The following ABHD12 variants were observed in gnomAD, a reference collection of about 807,000 sequenced individuals.
ABHD12 encodes the protein abhydrolase domain containing 12, lysophospholipase.
In ABHD12, 43 loss-of-function variants were observed where a neutral mutation model predicts 58.3. The ratio of observed to expected loss-of-function variants is 0.74; its 90% CI spans 0.58 to 0.95. ABHD12 has a LOEUF of 0.95. ABHD12 is among the 40% of genes least tolerant of loss of function. ABHD12 has a pLI of 0.00. For missense variants in ABHD12, 539 were observed against 537.2 expected (o/e 1.00, Z -0.03); for synonymous variants, 219 against 211.2 (o/e 1.04, Z -0.32).
chr20:25,388,924 C>A (rs768200206), intron 1 of ABHD12, among the ~76,000 whole-genome samples: 1 of 151,884 alleles, frequency 6.6e-6, no homozygotes. Flanking sequence ...CCCGCCTCAG[C>A]CTCCCGAGTA....
intron 3 of ABHD12, among the ~76,000 whole-genome samples, chr20:25,320,715 A>G (rs1404466433): frequency 3.9e-5 from 6 of 152,266 alleles, no homozygotes; most frequent in Non-Finnish European, 8.8e-5. Flanking sequence ...AATTGTCCAC[A>G]GTTTAACTCA....
At chr20:25,342,054 C>T (rs1210797950) in intron 1 of ABHD12, among the ~76,000 whole-genome samples, 1 of 117,444 alleles carries the variant, frequency 8.5e-6, no homozygotes, top group Non-Finnish European at 1.7e-5. Flanking sequence ...AAGACTTGTT[C>T]AAAAATGTTC....
chr20:25,308,459 C>T lies in ABHD12; in HGVS notation c.785G>A (p.Arg262Gln), dbSNP rs781651422. ...ATNLVRRLCERETPPDALILE... is the reference protein window; with the variant it reads ...ATNLVRRLCEQETPPDALILE... ...CTGGGGCCCAACAAGGCACTCACCT[C>T]GCTCACAGAGGCGCCGCACCAGATT... is the stretch of plus-strand genomic sequence containing the variant. Residue 262 changes from arginine (R) to glutamine (Q), a missense_variant and splice_region_variant, in exon 8 of 13, where the codon CGA (arginine) becomes CAA (glutamine). By Grantham distance (43) the Arg-to-Gln change is conservative. Coordinates refer to ENST00000339157, the MANE Select transcript of ABHD12 (RefSeq NM_001042472.3). The T allele has an allele frequency of 3.1e-6, 5 of 1,611,606 alleles. No homozygotes were observed. Among genetic ancestry groups the T allele is most frequent in the Admixed American group, 1.7e-5 (1 of 59,786 alleles).
In ABHD12 at chr20:25,330,396, C is replaced by T. The variant is rs890514135; in HGVS notation, c.317-6966G>A. On this transcript the variant is annotated intron_variant, in intron 2 of 12. Coordinates refer to ENST00000339157, the MANE Select transcript of ABHD12 (RefSeq NM_001042472.3). ...GCAGCGAGGCTTGGGGAGGGGCGCC[C>T]GCCATTGCCCAGGCTTGCTTAGGTA... Among the ~76,000 whole-genome samples the T allele has an allele frequency of 2.3e-4, 35 of 152,376 alleles. No individual in the cohort carries two copies. The Middle Eastern group carries it at 0.01, about 44-fold the overall frequency.
At chr20:25,325,461 A>G (rs1035158822) in intron 2 of ABHD12, among the ~76,000 whole-genome samples, 4 of 152,198 alleles carry the variant, frequency 2.6e-5, no homozygotes, top group Non-Finnish European at 5.9e-5. Flanking sequence ...ATCAAGCTCA[A>G]ATGAGGTCAC....
At chr20:25,376,366 G>C (rs543144455) in intron 1 of ABHD12, among the ~76,000 whole-genome samples, 3 of 152,240 alleles carry the variant, frequency 2.0e-5, no homozygotes, top group Admixed American at 2.0e-4. Context: ...TCAGTGTTGA[G>C]AGCAATTTCA....
At chr20:25,365,052 C>T (rs2089800923) in intron 1 of ABHD12, among the ~76,000 whole-genome samples, 2 of 152,318 alleles carry the variant, frequency 1.3e-5, no homozygotes, top group South Asian at 2.1e-4. Context: ...ACCTATGCAA[C>T]GTGAGTAAGG....
At chr20:25,308,343 C>CA in intron 8 of ABHD12, 114 bp downstream of exon 8, 2 of 1,393,134 alleles carry the variant, frequency 1.4e-6, no homozygotes, top group Non-Finnish European at 2.0e-6. Flanking sequence ...CCGGGCCCCC[C>CA]AGAATGTGCA....
chr20:25,313,449 A>G, intron 6 of ABHD12, among the ~76,000 whole-genome samples: 1 of 151,570 alleles, frequency 6.6e-6, no homozygotes, highest in Non-Finnish European at 1.5e-5. Context: ...ACACTGCGGA[A>G]GGCCGCAGGG....
intron 2 of ABHD12, among the ~76,000 whole-genome samples, chr20:25,326,218 G>T (rs2089175471): frequency 6.6e-6 from 1 of 152,032 alleles, no homozygotes; most frequent in Non-Finnish European, 1.5e-5. Flanking sequence ...GGAAAGAAAG[G>T]AAAGCAAGGA....
At chr20:25,385,547 A>G (rs2090077784) in intron 1 of ABHD12, among the ~76,000 whole-genome samples, 2 of 152,230 alleles carry the variant, frequency 1.3e-5, no homozygotes, top group South Asian at 4.2e-4. Context: ...CCGAAGTGCT[A>G]TATTCTGAAA....
At chr20:25,360,226 A>ACTTTTTT (rs2089726482) in intron 1 of ABHD12, among the ~76,000 whole-genome samples, 1 of 27,760 alleles carries the variant, frequency 3.6e-5, no homozygotes, top group African/African-American at 1.4e-4. Flanking sequence ...TGAACACGTT[A>ACTTTTTT]CTTTTTTTTT....
chr20:25,297,260 G>A (rs202114172), downstream of ABHD12: 2 of 152,286 alleles, frequency 1.3e-5, no homozygotes, highest in Non-Finnish European at 2.9e-5. Flanking sequence ...GGCTGACACA[G>A]CTTAGCTTGG....
chr20:25,379,831 A>T (rs973259850), intron 1 of ABHD12, among the ~76,000 whole-genome samples: 20 of 151,050 alleles, frequency 1.3e-4, no homozygotes, highest in African/African-American at 4.9e-4. Flanking sequence ...GGGCTCAAGC[A>T]ATCATGCACG....
chr20:25,387,978 T>C (rs1441463815), intron 1 of ABHD12, among the ~76,000 whole-genome samples: 1 of 147,024 alleles, frequency 6.8e-6, no homozygotes, highest in African/African-American at 2.6e-5. Flanking sequence ...GAGGTGGAGG[T>C]TGCAGTGAGC....
chr20:25,302,623 C>T (rs1012171069), intron 11 of ABHD12, among the ~76,000 whole-genome samples: 1 of 152,158 alleles, frequency 6.6e-6, no homozygotes, highest in Non-Finnish European at 1.5e-5. Flanking sequence ...TGAGCCAGAC[C>T]AGGTGCCTGG....
intron 6 of ABHD12, among the ~76,000 whole-genome samples, chr20:25,313,087 C>T (rs1269422913): frequency 6.6e-6 from 1 of 152,266 alleles, no homozygotes; most frequent in Admixed American, 6.5e-5. Context: ...GGAGGTGTAC[C>T]CAACAGCTCA....
chr20:25,305,130 G>A (rs1385972903), intron 10 of ABHD12, among the ~76,000 whole-genome samples: 3 of 152,048 alleles, frequency 2.0e-5, no homozygotes, highest in African/African-American at 7.2e-5. Context: ...GCCTCTCAAA[G>A]TGCTGGGATT....
intron 1 of ABHD12, chr20:25,368,283 G>A: frequency 1.3e-6 from 2 of 1,534,114 alleles, no homozygotes; most frequent in Non-Finnish European, 1.8e-6. Context: ...TATTAGAGTT[G>A]TTCACAGTCA....
Sources: gnomAD v4.1 joint callset for allele counts (sites outside exome capture counted in the v4.1 genomes callset) on GRCh38, gnomAD v4.1.1 for gene constraint, MANE v1.5 for transcripts, NCBI Gene and HGNC (gene_info 2026-07-23, HGNC 2026-07-21) for gene names.